The following USP13 variants were observed in gnomAD, a reference collection of about 807,000 sequenced individuals.
USP13 encodes ubiquitin specific peptidase 13.
In USP13, 68 loss-of-function variants were observed where a neutral mutation model predicts 107.8. That is an observed-to-expected ratio of 0.63 (90% CI 0.52 to 0.77). USP13 has a LOEUF of 0.77. Among genes scored for constraint, USP13 ranks in the 30% least tolerant of loss-of-function variants. The pLI, the probability that USP13 is intolerant of heterozygous loss-of-function variation, is 0.00. For synonymous variants in USP13, 377 were observed against 389.5 expected (o/e 0.97, Z 0.38); for missense variants, 945 against 1,093.3 (o/e 0.86, Z 1.91).
At chr3:179,702,099 A>G (rs1712550308) in intron 4 of USP13, among the ~76,000 whole-genome samples, 2 of 151,610 alleles carry the variant, frequency 1.3e-5, no homozygotes, top group African/African-American at 4.9e-5. Context: ...GGCTCACTGC[A>G]AGCTCCACCT....
intron 20 of USP13, 138 bp from the exon 21 acceptor site, chr3:179,783,910 T>C: frequency 1.5e-6 from 1 of 649,112 alleles, no homozygotes; most frequent in Non-Finnish European, 2.6e-6. Context: ...ATTCTGTCCC[T>C]TTTTATACAA....
chr3:179,694,228 G>C (rs1426464685), intron 3 of USP13, among the ~76,000 whole-genome samples: 5 of 152,104 alleles, frequency 3.3e-5, no homozygotes. Flanking sequence ...GCCTGCCTTG[G>C]CCTCCCAGAA....
rs779927136 is a variant in USP13 at position 179,784,124 on chromosome 3, C to T, written c.2575C>T (p.Arg859Cys). ...PKDLGYMYFY[R>C]RIPS ...AGACCTGGGCTACATGTACTTTTAC[C>T]GCAGGATACCAAGCTAAACCTCAAA... Residue 859 changes from arginine (R) to cysteine (C), a missense_variant, in exon 21 of 21, where the codon CGC becomes TGC. Physicochemically the swap from Arg to Cys is radical, Grantham distance 180. Transcript: ENST00000263966. The T allele has an allele frequency of 2.5e-5, 40 of 1,610,780 alleles. No homozygotes were observed. Among genetic ancestry groups the T allele is most frequent in the Admixed American group, 5.0e-5 (3 of 59,464 alleles).
chr3:179,785,500 C>T lies in USP13; in HGVS notation c.*1359C>T, dbSNP rs975909911. 2.0e-5 allele frequency: 3 copies of T among 152,128 alleles called. No homozygotes were observed. The highest frequency in any genetic ancestry group is 2.4e-5 in the African/African-American group (1 of 41,404). 9.4% of individuals were successfully genotyped at this position (152,128 alleles called of 1,614,324 possible). A position where few individuals can be genotyped will look rare whatever the true frequency, so the allele number is the denominator to read the frequency against. On this transcript the variant is annotated 3_prime_UTR_variant, in exon 21 of 21. Transcript: ENST00000263966. ...AATTTCCATAATTTTCCTACTGGTC[C>T]GTACCAAATTCTAGAGTCTCTGGAG...
intron 18 of USP13, 89 bp downstream of exon 18, chr3:179,764,257 A>T: frequency 6.8e-7 from 1 of 1,468,930 alleles, no homozygotes; most frequent in Non-Finnish European, 9.0e-7. Context: ...ATGTACTTTG[A>T]TCATTTTGAT....
At chr3:179,727,189 G>A (rs1451569124) in intron 8 of USP13, among the ~76,000 whole-genome samples, 2 of 95,130 alleles carry the variant, frequency 2.1e-5, no homozygotes, top group East Asian at 3.5e-4. Context: ...TTTTTTAATT[G>A]ATCATTCTTG....
At chr3:179,744,936 C>A in intron 12 of USP13, 107 bp from the exon 13 acceptor site, 1 of 1,402,112 alleles carries the variant, frequency 7.1e-7, no homozygotes, top group African/African-American at 1.4e-5. Context: ...AAATAAGCAA[C>A]TCTGGCCCAG....
chr3:179,761,406 TTC>T, intron 17 of USP13, 151 bp downstream of exon 17: 2 of 1,110,530 alleles, frequency 1.8e-6, no homozygotes, highest in Non-Finnish European at 2.5e-6. Flanking sequence ...GCCAGTCTTT[TTC>T]TTCTTCTTTT....
chr3:179,730,603 C>T lies in USP13; in HGVS notation c.1161-13C>T. On this transcript the variant is annotated splice_polypyrimidine_tract_variant and intron_variant, in intron 9 of 20. Coordinates refer to ENST00000263966, the MANE Select transcript of USP13 (RefSeq NM_003940.3). Reference sequence around the variant, plus strand: ...CAATGACCTTTTTGTTTCTGTTTCTCTGTCCTGGCCAGGACTAAGTTAGGA... The same window carrying T: ...CAATGACCTTTTTGTTTCTGTTTCTTTGTCCTGGCCAGGACTAAGTTAGGA... The T allele has an allele frequency of 6.3e-7, 1 of 1,597,982 alleles. No homozygotes were observed. Among genetic ancestry groups the T allele is most frequent in the Non-Finnish European group, 8.5e-7 (1 of 1,171,134 alleles).
In USP13 at chr3:179,711,304, C is replaced by T. The variant is rs540808380; in HGVS notation, c.805+2347C>T. On this transcript the variant is annotated intron_variant, in intron 6 of 20. Transcript: ENST00000263966. ...CGTGATCTCAGCTCACTGCAACCTCCACCTCCCAGATTCAAGTGATTCTCC... is the reference window on the plus strand; with the variant it reads ...CGTGATCTCAGCTCACTGCAACCTCTACCTCCCAGATTCAAGTGATTCTCC... Among the ~76,000 whole-genome samples, 30 of 152,222 alleles carry T rather than the reference C, an allele frequency of 2.0e-4. No homozygotes were observed. In the East Asian group the frequency reaches 5.6e-3, roughly 28 times the overall value.
chr3:179,656,597 C>G (rs1720267786), intron 1 of USP13, among the ~76,000 whole-genome samples: 1 of 152,192 alleles, frequency 6.6e-6, no homozygotes, highest in African/African-American at 2.4e-5. Flanking sequence ...ACCCACCCTC[C>G]CACCTTGACG....
intron 19 of USP13, among the ~76,000 whole-genome samples, chr3:179,774,136 A>G (rs1560082768): frequency 1.3e-5 from 2 of 152,190 alleles, no homozygotes; most frequent in East Asian, 1.9e-4. Flanking sequence ...GTCACGTGGC[A>G]AGAGAGAGAA....
rs1711555495 is a variant in USP13 at position 179,678,919 on chromosome 3, G to A, written c.169-2959G>A. ...TTCCTTAGAATTTTCAATATGGCCT[G>A]TACTGTCATTAGGAAATAGAGACCA... On this transcript the variant is annotated intron_variant, in intron 1 of 20. Coordinates refer to ENST00000263966, the MANE Select transcript of USP13 (RefSeq NM_003940.3). This position sits in a 1 kb window ranked among gnomAD's most constrained non-coding sequence, Gnocchi z 4.2. Among the ~76,000 whole-genome samples, 1 of 151,468 alleles carries A rather than the reference G, an allele frequency of 6.6e-6. No individual in the cohort carries two copies. Among genetic ancestry groups the A allele is most frequent in the Non-Finnish European group, 1.5e-5 (1 of 67,852 alleles).
intron 6 of USP13, among the ~76,000 whole-genome samples, chr3:179,715,042 AATTTTTTTCC>A (rs1470608858): frequency 6.6e-6 from 1 of 150,640 alleles, no homozygotes; most frequent in African/African-American, 2.4e-5. Context: ...ATACTCGGCT[AATTTTTTTCC>A]ATTTTTTTTT....
intron 8 of USP13, among the ~76,000 whole-genome samples, chr3:179,729,479 TA>T (rs1340487022): frequency 1.3e-5 from 2 of 152,174 alleles, no homozygotes; most frequent in Non-Finnish European, 2.9e-5. Context: ...TTTATTTATT[TA>T]TTTTTTTTTG....
At chr3:179,658,367 G>A (rs775196681) in intron 1 of USP13, among the ~76,000 whole-genome samples, 3 of 152,250 alleles carry the variant, frequency 2.0e-5, no homozygotes, top group South Asian at 2.1e-4. Context: ...CCTGCATTAC[G>A]TAGAGTCTGT....
chr3:179,653,119 T>G lies in USP13; in HGVS notation c.-107T>G, dbSNP rs111460997. The G allele has an allele frequency of 3.2e-6, 3 of 948,260 alleles. No homozygotes were observed. Among genetic ancestry groups the G allele is most frequent in the South Asian group, 4.7e-5 (1 of 21,364 alleles). 58.7% of individuals were successfully genotyped at this position (948,260 alleles called of 1,614,324 possible). A position where few individuals can be genotyped will look rare whatever the true frequency, so the allele number is the denominator to read the frequency against. On this transcript the variant is annotated 5_prime_UTR_variant, in exon 1 of 21. Transcript: ENST00000263966. The surrounding 1 kb of genome is among the most constrained non-coding windows in gnomAD (Gnocchi z 4.0). ...CCGCCCCGGCTCGGCCGGCTGCCGT[T>G]GCCCGCGCAGCCCGCCCGTCAGCCC...
chr3:179,732,623 C>T (rs943531005), intron 10 of USP13, among the ~76,000 whole-genome samples: 2 of 152,218 alleles, frequency 1.3e-5, no homozygotes, highest in African/African-American at 2.4e-5. Flanking sequence ...ATGGACCTTG[C>T]GTGACCGTTT....
intron 6 of USP13, among the ~76,000 whole-genome samples, chr3:179,717,934 AC>A (rs1197723305): frequency 3.5e-5 from 4 of 114,490 alleles, no homozygotes; most frequent in Non-Finnish European, 5.5e-5. Context: ...AGACAACTAC[AC>A]AATGTTTAAC....
Sources: allele counts gnomAD v4.1 joint callset (sites outside exome capture counted in the v4.1 genomes callset), GRCh38; gene constraint gnomAD v4.1.1; non-coding constraint Gnocchi (gnomAD v3.1); transcripts MANE v1.5; gene names NCBI Gene and HGNC (gene_info 2026-07-23, HGNC 2026-07-21).